BDNF: variants seen among roughly 807,000 people sequenced by gnomAD.
BDNF encodes the protein neurotrophic factor BDNF precursor form.
A neutral mutation model predicts 19.5 loss-of-function variants in BDNF; 1 was observed. The ratio of observed to expected loss-of-function variants is 0.05; its 90% CI spans 0.02 to 0.24. The LOEUF (loss-of-function observed/expected upper bound fraction) is 0.24. Ranked by LOEUF, BDNF falls within the 10% of genes least tolerant of loss-of-function variation. BDNF has a pLI of 1.00. For missense variants in BDNF, 195 were observed against 317.6 expected (o/e 0.61, Z 2.93); for synonymous variants, 100 against 121.6 (o/e 0.82, Z 1.17).
Position 27,661,697 on chromosome 11 carries a change from C to T in BDNF, c.-21-3112G>A, listed in dbSNP as rs41274436. Among the ~76,000 whole-genome samples the T allele has an allele frequency of 7.8e-3, 1,188 of 152,310 alleles. 10 individuals are homozygous for T. Among genetic ancestry groups the T allele is most frequent in the Non-Finnish European group, 0.012 (799 of 68,034 alleles). The stretch of plus-strand genomic sequence containing the variant: ...TCTTCTCTCTGATACTCAACTCTCT[C>T]CAACATCTGCCCTCACCCTTCTTAG... On this transcript the variant is annotated intron_variant, in intron 1 of 1. Transcript: ENST00000356660.
chr11:27,667,571 A>G (rs543527007), intron 1 of BDNF, among the ~76,000 whole-genome samples: 2 of 152,344 alleles, frequency 1.3e-5, no homozygotes, highest in Admixed American at 1.3e-4. Context: ...GGATGGAGGA[A>G]GATCTACCAA....
At chr11:27,667,104 G>A (rs1027431662) in intron 1 of BDNF, among the ~76,000 whole-genome samples, 2 of 152,156 alleles carry the variant, frequency 1.3e-5, no homozygotes, top group Non-Finnish European at 2.9e-5. Context: ...GAGAGTGGGG[G>A]CCAATATTCA....
At chr11:27,673,572 A>G (rs1346835935) in intron 1 of BDNF, among the ~76,000 whole-genome samples, 1 of 152,154 alleles carries the variant, frequency 6.6e-6, no homozygotes, top group African/African-American at 2.4e-5. Flanking sequence ...TTGAGAGCCA[A>G]CACCCCACTA....
intron 1 of BDNF, among the ~76,000 whole-genome samples, chr11:27,668,319 A>AAGAT (rs2133867205): frequency 6.6e-6 from 1 of 152,368 alleles, no homozygotes; most frequent in South Asian, 2.1e-4. Flanking sequence ...GAAAGCAGGA[A>AAGAT]AGATCTAAAA....
At chr11:27,659,471 T>C in intron 1 of BDNF, 1 of 1,000,336 alleles carries the variant, frequency 1.0e-6, no homozygotes, top group South Asian at 4.7e-5. Context: ...AAAGTCAGCA[T>C]TAAAAAGACA....
chr11:27,674,212 G>T, intron 1 of BDNF: 1 of 1,601,914 alleles, frequency 6.2e-7, no homozygotes. Flanking sequence ...CCTTTCTGTA[G>T]AAACTCAGCA....
At position 27,658,346 on chromosome 11, in the gene BDNF, C is replaced by T; in HGVS notation, c.219G>A (p.Glu73=). ...CTTCATTGGGCCGAACTTTCTGGTCCTCATCCAACAGCTCTTCTATCACGT... is the reference window on the plus strand; with the variant it reads ...CTTCATTGGGCCGAACTTTCTGGTCTTCATCCAACAGCTCTTCTATCACGT... ...FEHVIEELLD[E]DQKVRPNEEN... Residue 73 remains glutamate (E), a synonymous_variant, in exon 2 of 2, where the codon GAG becomes GAA. Transcript: ENST00000356660. The surrounding 1 kb of genome is among the most constrained non-coding windows in gnomAD (Gnocchi z 5.7). The T allele has an allele frequency of 6.2e-7, 1 of 1,614,188 alleles. No homozygotes were observed. Among genetic ancestry groups the T allele is most frequent in the Non-Finnish European group, 8.5e-7 (1 of 1,180,028 alleles).
chr11:27,718,205 A>C (rs994292460), intron 1 of BDNF, among the ~76,000 whole-genome samples: 3 of 152,116 alleles, frequency 2.0e-5, no homozygotes, highest in African/African-American at 7.2e-5. Flanking sequence ...AAAATGTCAC[A>C]ATATTTACAC....
intron 1 of BDNF, among the ~76,000 whole-genome samples, chr11:27,710,916 A>T (rs999900376): frequency 3.3e-5 from 5 of 152,236 alleles, no homozygotes; most frequent in Admixed American, 2.0e-4. Context: ...TAATAAACTA[A>T]AGTGGAAGGA....
intron 1 of BDNF, chr11:27,699,717 T>C (rs995469136): frequency 2.2e-6 from 3 of 1,365,690 alleles, no homozygotes; most frequent in Admixed American, 3.0e-5. Flanking sequence ...TCCCTCCCAC[T>C]CCCCCCGCAA....
chr11:27,689,182 T>C (rs1249671541), intron 1 of BDNF, among the ~76,000 whole-genome samples: 1 of 152,048 alleles, frequency 6.6e-6, no homozygotes, highest in East Asian at 1.9e-4. Flanking sequence ...CAAGATATGG[T>C]TTCTTACTTG....
At chr11:27,690,240 T>C (rs1191088898) in intron 1 of BDNF, among the ~76,000 whole-genome samples, 1 of 152,158 alleles carries the variant, frequency 6.6e-6, no homozygotes, top group South Asian at 2.1e-4. Context: ...CATTTGTGAA[T>C]ACTCTCAACA....
chr11:27,701,008 C>G, upstream of BDNF: 9 of 1,361,768 alleles, frequency 6.6e-6, no homozygotes, highest in Non-Finnish European at 8.8e-6. Context: ...CTTGCGAACG[C>G]GAGCACACAA....
intron 1 of BDNF, among the ~76,000 whole-genome samples, chr11:27,688,883 A>G (rs533094068): frequency 1.3e-5 from 2 of 152,208 alleles, no homozygotes; most frequent in Non-Finnish European, 2.9e-5. Context: ...TAATATTTCT[A>G]ATCATTCACT....
At chr11:27,699,488 G>A (rs2134078995) in intron 1 of BDNF, 1 of 1,613,906 alleles carries the variant, frequency 6.2e-7, no homozygotes, top group East Asian at 2.2e-5. Context: ...CTTCCCTGGA[G>A]GGCGCTTCAG....
intron 1 of BDNF, among the ~76,000 whole-genome samples, chr11:27,710,712 G>GT (rs1860290587): frequency 1.3e-5 from 2 of 152,238 alleles, no homozygotes; most frequent in Admixed American, 6.5e-5. Flanking sequence ...TGGAGAGGGT[G>GT]TTCCTCATCA....
chr11:27,677,941 C>T (rs1856386517), intron 1 of BDNF: 1 of 152,078 alleles, frequency 6.6e-6, no homozygotes, highest in South Asian at 2.1e-4. Context: ...CTGTGGGTGC[C>T]ATCTCAGTTT....
chr11:27,715,128 C>A (rs913644410), intron 1 of BDNF, among the ~76,000 whole-genome samples: 2 of 152,068 alleles, frequency 1.3e-5, no homozygotes, highest in Non-Finnish European at 2.9e-5. Context: ...TTAATACTTA[C>A]AAAATAAAAT....
At chr11:27,700,584 G>A, upstream of BDNF, 10 of 969,204 alleles carry the variant, frequency 1.0e-5, no homozygotes, top group South Asian at 4.8e-5. Context: ...ACCCGTTCGA[G>A]GCGGCCGCTT....
Sources: gnomAD v4.1 joint callset for allele counts (sites outside exome capture counted in the v4.1 genomes callset) on GRCh38, gnomAD v4.1.1 for gene constraint, Gnocchi (gnomAD v3.1) non-coding constraint, MANE v1.5 for transcripts, NCBI Gene and HGNC (gene_info 2026-07-23, HGNC 2026-07-21) for gene names.